Variants in EHD1 observed in about 807,000 individuals in gnomAD.
EHD1 encodes the protein EH domain containing 1, also known as EH domain-containing protein 1.
In EHD1, 19 loss-of-function variants were observed where a neutral mutation model predicts 39.0. The observed-to-expected ratio is 0.49, with a 90% CI of 0.34 to 0.72. The LOEUF (loss-of-function observed/expected upper bound fraction) is 0.72. EHD1 is among the 30% of genes least tolerant of loss of function. EHD1 has a pLI of 0.01. For synonymous variants in EHD1, 323 were observed against 331.2 expected, an observed-to-expected ratio of 0.98 and a Z score of 0.27; for missense variants, 542 against 751.5, an observed-to-expected ratio of 0.72 and a Z score of 3.26.
At position 64,864,568 on chromosome 11, in the gene EHD1, G is replaced by C. The variant is rs371477167; in HGVS notation, c.503-4232C>G. 8.8e-3 allele frequency among the ~76,000 whole-genome samples: 1,345 copies of C among 152,316 alleles called. 23 individuals carry two copies. Among genetic ancestry groups the C allele is most frequent in the African/African-American group, 0.031 (1,293 of 41,568 alleles). On this transcript the variant is annotated intron_variant, in intron 2 of 4. Coordinates refer to ENST00000320631, the MANE Select transcript of EHD1 (RefSeq NM_006795.4). ...AGCCTGCAGCGCCTGCCTGGGGCCCGCAGCCCACAGCCTTTTATGGCCAGC... is the reference window on the plus strand; with the variant it reads ...AGCCTGCAGCGCCTGCCTGGGGCCCCCAGCCCACAGCCTTTTATGGCCAGC...
intron 2 of EHD1, among the ~76,000 whole-genome samples, chr11:64,861,043 G>A (rs926325694): frequency 4.8e-5 from 7 of 145,770 alleles, no homozygotes; most frequent in East Asian, 4.0e-4. Flanking sequence ...AAAAATAGCC[G>A]GGTGTGGTGG....
intron 2 of EHD1, among the ~76,000 whole-genome samples, chr11:64,867,184 CA>C (rs1176814344): frequency 1.3e-5 from 2 of 152,144 alleles, no homozygotes; most frequent in Non-Finnish European, 2.9e-5. Context: ...TTTGGGAGGC[CA>C]AGGCGGGCTG....
At chr11:64,862,960 G>A (rs1166625065) in intron 2 of EHD1, among the ~76,000 whole-genome samples, 2 of 152,222 alleles carry the variant, frequency 1.3e-5, no homozygotes, top group African/African-American at 4.8e-5. Context: ...AGTAAGGAGT[G>A]ACAGGCGGGC....
intron 2 of EHD1, among the ~76,000 whole-genome samples, chr11:64,867,017 G>C (rs904734118): frequency 6.6e-6 from 1 of 152,196 alleles, no homozygotes; most frequent in Non-Finnish European, 1.5e-5. Flanking sequence ...GAGCTCTGGA[G>C]CTGGATGGTG....
chr11:64,863,953 G>A (rs908352723), intron 2 of EHD1, among the ~76,000 whole-genome samples: 4 of 152,230 alleles, frequency 2.6e-5, no homozygotes, highest in African/African-American at 9.6e-5. Flanking sequence ...CTGGGGCAGG[G>A]GAAGCCAGGG....
rs1483024494 is a variant in EHD1, at chr11:64,854,338, C to T, written c.1600G>A (p.Glu534Lys). ...HLVPPSKRRH[E>K] ...AGGTGCGGGGCCGGGCGCCATCACT[C>T]ATGTCTGCGCTTGGAGGGCGGCACC... The change falls in exon 5 of 5, where the codon GAG (glutamate) becomes AAG (lysine). Residue 534 changes from glutamate to lysine, a missense_variant. Glu to Lys is a moderately conservative substitution (Grantham distance 56, BLOSUM62 1). Transcript: ENST00000320631. 2 of 1,605,306 alleles carry T rather than the reference C, an allele frequency of 1.2e-6. No homozygotes were observed. The highest frequency in any genetic ancestry group is 1.3e-5 in the African/African-American group (1 of 74,962).
rs71581707 is a variant in EHD1, at chr11:64,860,340, G to C, written c.503-4C>G. 0.016 allele frequency: 26,390 copies of C among 1,606,104 alleles called. 258 individuals are homozygous for C. Among genetic ancestry groups the C allele is most frequent in the Middle Eastern group, 0.027 (162 of 6,034 alleles). On this transcript the variant is annotated splice_region_variant and splice_polypyrimidine_tract_variant and intron_variant, in intron 2 of 4. Transcript: ENST00000320631. ...AGGACGGCTGCAAAGTCATAGCCTGGGGGGAAGAGAAGGGAGAGCTCAGGG... is the reference window on the plus strand; with the variant it reads ...AGGACGGCTGCAAAGTCATAGCCTGCGGGGAAGAGAAGGGAGAGCTCAGGG...
intron 2 of EHD1, among the ~76,000 whole-genome samples, chr11:64,864,298 C>G (rs1943745595): frequency 6.6e-6 from 1 of 152,268 alleles, no homozygotes; most frequent in Non-Finnish European, 1.5e-5. Flanking sequence ...GCCAGGTTCC[C>G]TGTGCCCAGA....
chr11:64,858,964 G>A (rs1289064366), intron 3 of EHD1, among the ~76,000 whole-genome samples: 1 of 152,154 alleles, frequency 6.6e-6, no homozygotes, highest in Non-Finnish European at 1.5e-5. Flanking sequence ...AGTGCTCCCC[G>A]GGCTGCAGGC....
At chr11:64,867,447 G>A (rs915165220) in intron 2 of EHD1, among the ~76,000 whole-genome samples, 5 of 150,536 alleles carry the variant, frequency 3.3e-5, no homozygotes, top group African/African-American at 7.3e-5. Context: ...GGCTAAGCGC[G>A]GCGGCTTATG....
rs1943626727 is a variant in EHD1, at chr11:64,854,658, C to T, written c.1280G>A (p.Gly427Asp). 6.2e-7 allele frequency: 1 copy of T among 1,613,916 alleles called. No individual in the cohort carries two copies. Among genetic ancestry groups the T allele is most frequent in the Non-Finnish European group, 8.5e-7 (1 of 1,179,974 alleles). Residue 427 changes from glycine to aspartate, a missense_variant, in exon 5 of 5, where the codon GGC becomes GAC. Transcript: ENST00000320631. ...TMNGPFGHGY[G>D]EGAGEGIDDV... ...GTCGATGCCCTCGCCGGCCCCCTCGCCGTAGCCGTGCCCGAACGGCCCGTT... is the reference window on the plus strand; with the variant it reads ...GTCGATGCCCTCGCCGGCCCCCTCGTCGTAGCCGTGCCCGAACGGCCCGTT...
chr11:64,872,732 C>T (rs1943842931), intron 2 of EHD1, among the ~76,000 whole-genome samples: 1 of 152,148 alleles, frequency 6.6e-6, no homozygotes, highest in Non-Finnish European at 1.5e-5. Flanking sequence ...TCAGTACGCT[C>T]TGATGCAGTC....
At chr11:64,859,413 G>C (rs997236342) in intron 3 of EHD1, among the ~76,000 whole-genome samples, 1 of 152,106 alleles carries the variant, frequency 6.6e-6, no homozygotes, top group Non-Finnish European at 1.5e-5. Flanking sequence ...CCAGCTACTC[G>C]GGAGGCTGAG....
intron 1 of EHD1, among the ~76,000 whole-genome samples, chr11:64,874,779 G>C (rs1458123807): frequency 6.6e-6 from 1 of 152,222 alleles, no homozygotes; most frequent in Non-Finnish European, 1.5e-5. Context: ...TAGAGTTTGA[G>C]AGGTCAACTT....
intron 3 of EHD1, among the ~76,000 whole-genome samples, chr11:64,858,481 C>T (rs1456956550): frequency 6.6e-6 from 1 of 152,190 alleles, no homozygotes; most frequent in African/African-American, 2.4e-5. Flanking sequence ...AGCCACCATG[C>T]CTGGCTGGAG....
rs1371162565 is a variant in EHD1 at position 64,854,825 on chromosome 11, G to A, written c.1113C>T (p.Phe371=). Residue 371 remains phenylalanine, a synonymous_variant, in exon 5 of 5, where the codon TTC becomes TTT. Coordinates refer to ENST00000320631, the MANE Select transcript of EHD1 (RefSeq NM_006795.4). ...ELLQTQDFSK[F]QALKPKLLDT... ...CCAGCAGCTTGGGCTTCAGCGCCTG[G>A]AACTTGCTGAAGTCCTGGGTCTGCA... is the stretch of plus-strand genomic sequence containing the variant. 1.2e-6 allele frequency: 2 copies of A among 1,600,324 alleles called. No homozygotes were observed. Among genetic ancestry groups the A allele is most frequent in the East Asian group, 2.2e-5 (1 of 44,870 alleles).
chr11:64,863,312 T>C (rs1943734266), intron 2 of EHD1, among the ~76,000 whole-genome samples: 2 of 152,150 alleles, frequency 1.3e-5, no homozygotes, highest in Admixed American at 1.3e-4. Context: ...GGGCGCTCTC[T>C]AGACTGAGGG....
At chr11:64,864,916 G>T (rs889939414) in intron 2 of EHD1, among the ~76,000 whole-genome samples, 20 of 152,224 alleles carry the variant, frequency 1.3e-4, no homozygotes, top group Admixed American at 3.9e-4. Context: ...GGGGGGCCCT[G>T]GGGAAAGAGA....
chr11:64,862,968 G>A (rs1214437264), intron 2 of EHD1, among the ~76,000 whole-genome samples: 1 of 152,202 alleles, frequency 6.6e-6, no homozygotes, highest in Admixed American at 6.5e-5. Context: ...GTGACAGGCG[G>A]GCCATGTGGA....
Sources: allele counts gnomAD v4.1 joint callset (sites outside exome capture counted in the v4.1 genomes callset), GRCh38; gene constraint gnomAD v4.1.1; transcripts MANE v1.5; gene names NCBI Gene and HGNC (gene_info 2026-07-23, HGNC 2026-07-21).